Variants in NEDD4 observed in about 807,000 individuals in gnomAD.
NEDD4 encodes the protein E3 ubiquitin-protein ligase NEDD4.
In NEDD4, 99 loss-of-function variants were observed where a neutral mutation model predicts 144.9. The observed-to-expected ratio is 0.68, with a 90% CI of 0.58 to 0.81. The LOEUF (loss-of-function observed/expected upper bound fraction) is 0.81. Ranked by LOEUF, NEDD4 falls within the 30% of genes least tolerant of loss-of-function variation. The pLI is 0.00. For missense variants in NEDD4, 985 were observed against 1,065.9 expected (o/e 0.92, Z 1.06); for synonymous variants, 318 against 350.6 (o/e 0.91, Z 1.04).
chr15:55,829,007 T>C lies in NEDD4; in HGVS notation c.*890A>G, dbSNP rs2032818192. The C allele has an allele frequency of 6.6e-6, 1 of 152,630 alleles. No homozygotes were observed. The highest frequency in any genetic ancestry group is 2.4e-5 in the African/African-American group (1 of 41,470). 9.5% of individuals were successfully genotyped at this position (152,630 alleles called of 1,614,324 possible). On this transcript the variant is annotated 3_prime_UTR_variant, in exon 29 of 29. Transcript: ENST00000435532. ...GTAAAGAATATCTAGTAAAGGCAAG[T>C]GCTATACACTTCATTTAGTTCTTCA...
intron 2 of NEDD4, among the ~76,000 whole-genome samples, chr15:55,958,828 T>G (rs2037381442): frequency 6.6e-6 from 1 of 151,610 alleles, no homozygotes. Context: ...AATGTTTTCT[T>G]TTTATCTTTT....
In NEDD4 at chr15:55,839,999, AATATATATAT is replaced by A. The variant is rs1176994871; in HGVS notation, c.2031+438_2031+447del. Among the ~76,000 whole-genome samples the A allele has an allele frequency of 4.7e-3, 122 of 26,018 alleles. 2 individuals carry two copies. The highest frequency in any genetic ancestry group is 9.1e-3 in the South Asian group (5 of 552). 17.1% of individuals were successfully genotyped at this position (26,018 alleles called of 152,430 possible). On this transcript the variant is annotated intron_variant, in intron 21 of 28. Coordinates refer to ENST00000435532, the MANE Select transcript of NEDD4 (RefSeq NM_006154.4). ...AAAAAAAAAAAAAAAAAAAAAAAAAAATATATATATATATATATATATATATATATATATA... is the reference window on the plus strand; with the variant it reads ...AAAAAAAAAAAAAAAAAAAAAAAAAAATATATATATATATATATATATATA...
intron 5 of NEDD4, among the ~76,000 whole-genome samples, chr15:55,909,490 C>T (rs1431685791): frequency 9.2e-5 from 14 of 152,192 alleles, no homozygotes; most frequent in South Asian, 2.1e-4. Context: ...CTGAACCAGA[C>T]GTGTGAGCAA....
rs2032876600 is a variant in NEDD4 at position 55,830,113 on chromosome 15, T to C, written c.2601-114A>G. On this transcript the variant is annotated intron_variant, in intron 28 of 28. Transcript: ENST00000435532. ...AGAATGTTCCAACACCACCAAAATA[T>C]GTCTTTTCACCAGGGGTAGAAGTAA... is the stretch of plus-strand genomic sequence containing the variant. 15 of 727,004 alleles carry C rather than the reference T, an allele frequency of 2.1e-5. No homozygotes were observed. The South Asian group carries it at 2.7e-4, about 13-fold the overall frequency. 45.0% of individuals were successfully genotyped at this position (727,004 alleles called of 1,614,324 possible).
chr15:55,907,114 T>C (rs2036128217), intron 5 of NEDD4, among the ~76,000 whole-genome samples: 1 of 150,530 alleles, frequency 6.6e-6, no homozygotes, highest in African/African-American at 2.4e-5. Context: ...AAAATAAAAA[T>C]AAAAAATAAA....
At chr15:55,880,170 T>C (rs2035134963) in intron 5 of NEDD4, among the ~76,000 whole-genome samples, 1 of 152,120 alleles carries the variant, frequency 6.6e-6, no homozygotes, top group African/African-American at 2.4e-5. Flanking sequence ...TACATGCCTT[T>C]AATCCCAGCT....
At chr15:55,851,596 C>T (rs1340599382) in intron 13 of NEDD4, among the ~76,000 whole-genome samples, 1 of 152,008 alleles carries the variant, frequency 6.6e-6, no homozygotes, top group East Asian at 1.9e-4. Flanking sequence ...CCTGCCTCAG[C>T]CTCCTAAGTA....
intron 2 of NEDD4, among the ~76,000 whole-genome samples, chr15:55,963,128 C>CTTT (rs754905603): frequency 0.014 from 2,021 of 142,232 alleles, 42 homozygotes; most frequent in African/African-American, 0.047. Flanking sequence ...TTCTGGCACT[C>CTTT]TTTTTTATTT....
intron 5 of NEDD4, among the ~76,000 whole-genome samples, chr15:55,899,277 T>C (rs527433647): frequency 1.3e-5 from 2 of 152,372 alleles, no homozygotes; most frequent in Admixed American, 1.3e-4. Context: ...TTTTACTTTT[T>C]GAAATGAATA....
At chr15:55,967,143 C>T (rs2037527687) in intron 1 of NEDD4, among the ~76,000 whole-genome samples, 1 of 152,158 alleles carries the variant, frequency 6.6e-6, no homozygotes. Flanking sequence ...CCTCAGCCTC[C>T]TAAAATGTTG....
chr15:55,967,199 A>T (rs2037528414), intron 1 of NEDD4, among the ~76,000 whole-genome samples: 1 of 152,148 alleles, frequency 6.6e-6, no homozygotes, highest in Admixed American at 6.6e-5. Flanking sequence ...AATAATTTGT[A>T]ATAACTACTT....
At chr15:55,869,709 A>G in intron 7 of NEDD4, 28 bp from the exon 8 acceptor site, 3 of 1,347,060 alleles carry the variant, frequency 2.2e-6, no homozygotes, top group Non-Finnish European at 3.1e-6. Context: ...AATATTCATA[A>G]AACTTTAACA....
intron 24 of NEDD4, among the ~76,000 whole-genome samples, chr15:55,836,296 A>ATAG (rs1413822377): frequency 2.0e-5 from 3 of 151,750 alleles, no homozygotes; most frequent in South Asian, 4.2e-4. Flanking sequence ...CACCATACAC[A>ATAG]TAGTACTCAA....
chr15:55,860,710 C>T lies in NEDD4; in HGVS notation c.743G>A (p.Arg248Gln), dbSNP rs754787878. ...LQAQRAFTTR[R>Q]QISEETESVD... The stretch of plus-strand genomic sequence containing the variant: ...ACTTTCTGTTTCCTCGGATATCTGC[C>T]GCCTGGTGGTAAATGCACGTTGTGC... The change falls in exon 10 of 29, where the codon CGG becomes CAG. Residue 248 changes from arginine to glutamine, a missense_variant. Physicochemically the swap from Arg to Gln is conservative, Grantham distance 43. Transcript: ENST00000435532. The T allele has an allele frequency of 2.0e-5, 32 of 1,614,032 alleles. 1 individual carries two copies. Among genetic ancestry groups the T allele is most frequent in the South Asian group, 1.1e-4 (10 of 91,078 alleles).
At chr15:55,971,461 C>T (rs7497904) in intron 1 of NEDD4, among the ~76,000 whole-genome samples, 22,483 of 151,664 alleles carry the variant, frequency 0.15, 1,803 homozygotes, top group East Asian at 0.32. Flanking sequence ...CCCGTCTCCA[C>T]TAAAAATACA....
intron 5 of NEDD4, chr15:55,917,070 A>C: frequency 8.0e-7 from 1 of 1,249,792 alleles, no homozygotes; most frequent in Non-Finnish European, 1.0e-6. Flanking sequence ...CTTGTAGTCA[A>C]AATGCCTTCA....
intron 5 of NEDD4, among the ~76,000 whole-genome samples, chr15:55,919,605 G>A (rs977096173): frequency 1.3e-5 from 2 of 152,164 alleles, no homozygotes; most frequent in African/African-American, 4.8e-5. Context: ...TACCAAAACA[G>A]GAGTGTTAAT....
intron 5 of NEDD4, chr15:55,915,343 C>G (rs763303790): frequency 6.2e-7 from 1 of 1,611,118 alleles, no homozygotes; most frequent in Non-Finnish European, 8.5e-7. Flanking sequence ...GATAAATTAT[C>G]CACTTTACCT....
intron 1 of NEDD4, among the ~76,000 whole-genome samples, chr15:55,986,604 T>G (rs550447384): frequency 0.045 from 5,718 of 125,894 alleles, 91 homozygotes; most frequent in South Asian, 0.12. Flanking sequence ...TTTTTTTTTT[T>G]TGTGAGACGG....
Sources: gnomAD v4.1 joint callset for allele counts (sites outside exome capture counted in the v4.1 genomes callset) on GRCh38, gnomAD v4.1.1 for gene constraint, MANE v1.5 for transcripts, NCBI Gene and HGNC (gene_info 2026-07-23, HGNC 2026-07-21) for gene names.